Variants in CADM1 observed in about 807,000 individuals in gnomAD.
CADM1 encodes cell adhesion molecule 1, also known as TSLC-1.
In CADM1, 15 loss-of-function variants were observed where a neutral mutation model predicts 53.1. The ratio of observed to expected loss-of-function variants is 0.28; its 90% CI spans 0.19 to 0.44. The LOEUF is 0.44. CADM1 is among the 20% of genes least tolerant of loss of function. The pLI, the probability that CADM1 is intolerant of heterozygous loss-of-function variation, is 1.00. For missense variants in CADM1, 434 were observed against 611.3 expected (o/e 0.71, Z 3.06); for synonymous variants, 281 against 243.0 (o/e 1.16, Z -1.45).
intron 1 of CADM1, among the ~76,000 whole-genome samples, chr11:115,365,239 G>A (rs749439072): frequency 2.2e-5 from 3 of 139,272 alleles, no homozygotes; most frequent in Non-Finnish European, 3.3e-5. Flanking sequence ...CATGAAATAC[G>A]AGGTAAACAG....
chr11:115,218,067 A>T, intron 5 of CADM1, 76 bp from the exon 6 acceptor site: 2 of 943,812 alleles, frequency 2.1e-6, no homozygotes, highest in Non-Finnish European at 3.4e-6. Context: ...ACACTGCCTC[A>T]AAACCACAGT....
intron 1 of CADM1, among the ~76,000 whole-genome samples, chr11:115,477,237 C>T (rs1949154998): frequency 6.6e-6 from 1 of 151,916 alleles, no homozygotes; most frequent in African/African-American, 2.4e-5. Context: ...ATAAATACAC[C>T]ATATAAATTT....
intron 1 of CADM1, among the ~76,000 whole-genome samples, chr11:115,346,334 AT>A (rs755763788): frequency 6.6e-6 from 1 of 152,198 alleles, no homozygotes; most frequent in Non-Finnish European, 1.5e-5. Flanking sequence ...CTGGGGTAAA[AT>A]TTCATAAAAC....
chr11:115,359,684 T>A (rs1007366304), intron 1 of CADM1, among the ~76,000 whole-genome samples: 4 of 152,212 alleles, frequency 2.6e-5, no homozygotes, highest in Non-Finnish European at 4.4e-5. Flanking sequence ...AGCTTTTTTT[T>A]AAGGATGAAT....
intron 1 of CADM1, among the ~76,000 whole-genome samples, chr11:115,298,006 T>C (rs1944123968): frequency 6.6e-6 from 1 of 152,188 alleles, no homozygotes; most frequent in Non-Finnish European, 1.5e-5. Flanking sequence ...TAAGAGTGGA[T>C]TCTCTCATCA....
intron 1 of CADM1, among the ~76,000 whole-genome samples, chr11:115,277,785 T>C (rs531076362): frequency 6.6e-6 from 1 of 152,142 alleles, no homozygotes; most frequent in African/African-American, 2.4e-5. Context: ...TGCATTCCCT[T>C]TCATCAAGGA....
intron 1 of CADM1, among the ~76,000 whole-genome samples, chr11:115,242,336 G>GAAAAAAA (rs200660668): frequency 5.2e-5 from 3 of 57,612 alleles, no homozygotes; most frequent in Non-Finnish European, 7.5e-5. Flanking sequence ...AAGGTGATCA[G>GAAAAAAA]AAAAAAAAAA....
intron 5 of CADM1, among the ~76,000 whole-genome samples, chr11:115,223,993 G>GAC (rs1941505783): frequency 6.7e-6 from 1 of 149,054 alleles, no homozygotes; most frequent in African/African-American, 2.5e-5. Context: ...GAGAGAGAGA[G>GAC]AGACTGGAGA....
intron 1 of CADM1, among the ~76,000 whole-genome samples, chr11:115,356,236 TATATTATATATATTATATAATAC>T (rs1214897963): frequency 6.7e-5 from 10 of 148,258 alleles, no homozygotes. Context: ...TATATGATTT[TATATTATATATATTATATAATAC>T]ATATTATATA....
At chr11:115,440,092 T>A (rs533382699) in intron 1 of CADM1, among the ~76,000 whole-genome samples, 1 of 152,354 alleles carries the variant, frequency 6.6e-6, no homozygotes, top group South Asian at 2.1e-4. Flanking sequence ...GAAATTCATA[T>A]ATTTTAATGT....
At chr11:115,220,239 A>G (rs748668175) in intron 5 of CADM1, among the ~76,000 whole-genome samples, 1 of 152,142 alleles carries the variant, frequency 6.6e-6, no homozygotes, top group Non-Finnish European at 1.5e-5. Context: ...AGGATTTTAC[A>G]TGCTCAACTT....
rs141901867 is a variant in CADM1, at chr11:115,363,470, G to T, written c.125-123050C>A. Among the ~76,000 whole-genome samples, 1,193 of 152,248 alleles carry T rather than the reference G, an allele frequency of 7.8e-3. 15 individuals carry two copies. The highest frequency in any genetic ancestry group is 0.027 in the African/African-American group (1,140 of 41,536). On this transcript the variant is annotated intron_variant, in intron 1 of 11. Transcript: ENST00000331581. ...GATTCAGAAACTCTGGACAGTGATC[G>T]ATTTGTTTGTTTGCCCACTCCATTT...
At chr11:115,390,066 C>T (rs1429563415) in intron 1 of CADM1, among the ~76,000 whole-genome samples, 2 of 152,096 alleles carry the variant, frequency 1.3e-5, no homozygotes, top group Non-Finnish European at 2.9e-5. Context: ...CCATTAATGC[C>T]TCTTTTCTCC....
intron 1 of CADM1, among the ~76,000 whole-genome samples, chr11:115,405,938 C>T (rs1477515581): frequency 6.6e-6 from 1 of 152,090 alleles, no homozygotes; most frequent in Non-Finnish European, 1.5e-5. Context: ...CCAAACACGG[C>T]ATAGTGTTAA....
At chr11:115,394,947 C>G (rs553588874) in intron 1 of CADM1, among the ~76,000 whole-genome samples, 23 of 152,202 alleles carry the variant, frequency 1.5e-4, no homozygotes, top group African/African-American at 5.5e-4. Context: ...AGATTGATTA[C>G]TTTTATAGCA....
At chr11:115,367,650 G>A (rs1019150163) in intron 1 of CADM1, among the ~76,000 whole-genome samples, 1 of 151,598 alleles carries the variant, frequency 6.6e-6, no homozygotes, top group Non-Finnish European at 1.5e-5. Context: ...ATACTTATAT[G>A]CATATAAATT....
chr11:115,456,321 C>A (rs529847455), intron 1 of CADM1, among the ~76,000 whole-genome samples: 197 of 151,346 alleles, frequency 1.3e-3, no homozygotes, highest in Non-Finnish European at 1.8e-3. Context: ...AAAAAAAAAA[C>A]TGCATATAAA....
intron 1 of CADM1, among the ~76,000 whole-genome samples, chr11:115,396,044 C>T (rs1946986615): frequency 6.6e-6 from 1 of 152,098 alleles, no homozygotes; most frequent in African/African-American, 2.4e-5. Flanking sequence ...AGGAAAGAAC[C>T]TAGATTATTT....
intron 1 of CADM1, among the ~76,000 whole-genome samples, chr11:115,450,082 T>C (rs1341733223): frequency 6.6e-6 from 1 of 152,066 alleles, no homozygotes; most frequent in Non-Finnish European, 1.5e-5. Context: ...CACCCCTCCC[T>C]ATGTCTTTCC....
Sources: gnomAD v4.1 joint callset for allele counts (sites outside exome capture counted in the v4.1 genomes callset) on GRCh38, gnomAD v4.1.1 for gene constraint, MANE v1.5 for transcripts, NCBI Gene and HGNC (gene_info 2026-07-23, HGNC 2026-07-21) for gene names.